Variants in PDE10A observed in about 807,000 individuals in gnomAD.
PDE10A encodes the protein cAMP and cAMP-inhibited cGMP 3',5'-cyclic phosphodiesterase 10A.
A neutral mutation model predicts 97.7 loss-of-function variants in PDE10A; 39 were observed. That is an observed-to-expected ratio of 0.40 (90% CI 0.31 to 0.52). The LOEUF (loss-of-function observed/expected upper bound fraction) is 0.52. Ranked by LOEUF, PDE10A falls within the 20% of genes least tolerant of loss-of-function variation. The pLI, the probability that PDE10A is intolerant of heterozygous loss-of-function variation, is 0.56. For synonymous variants in PDE10A, 371 were observed against 376.8 expected, an observed-to-expected ratio of 0.98 and a Z score of 0.18; for missense variants, 731 against 1,047.8, an observed-to-expected ratio of 0.70 and a Z score of 4.17.
intron 1 of PDE10A, among the ~76,000 whole-genome samples, chr6:165,681,352 T>A (rs1790972363): frequency 6.6e-6 from 1 of 152,210 alleles, no homozygotes; most frequent in African/African-American, 2.4e-5. Context: ...AAAATTACTC[T>A]TTTTAGGCAT....
At chr6:165,855,315 G>T (rs1034944168) in intron 1 of PDE10A, among the ~76,000 whole-genome samples, 1 of 151,074 alleles carries the variant, frequency 6.6e-6, no homozygotes, top group South Asian at 2.1e-4. Context: ...CGGGGGGGGG[G>T]GGGGACTCAG....
intron 1 of PDE10A, among the ~76,000 whole-genome samples, chr6:165,629,188 A>G (rs1788518802): frequency 6.6e-6 from 1 of 152,202 alleles, no homozygotes; most frequent in South Asian, 2.1e-4. Context: ...AAATCCCTAT[A>G]TGAAGTTCAG....
At chr6:165,828,037 T>A (rs1035427628) in intron 1 of PDE10A, among the ~76,000 whole-genome samples, 4 of 152,208 alleles carry the variant, frequency 2.6e-5, no homozygotes, top group African/African-American at 9.7e-5. Context: ...GGGGTAAATG[T>A]CATCTCAATG....
At chr6:165,546,465 T>C (rs148208633) in intron 1 of PDE10A, among the ~76,000 whole-genome samples, 1 of 152,182 alleles carries the variant, frequency 6.6e-6, no homozygotes, top group African/African-American at 2.4e-5. Flanking sequence ...ATGGAAAGCA[T>C]AATGCAACAC....
chr6:165,405,203 T>C (rs901237193), intron 13 of PDE10A, among the ~76,000 whole-genome samples: 1 of 152,206 alleles, frequency 6.6e-6, no homozygotes, highest in African/African-American at 2.4e-5. Flanking sequence ...CACCTCAGCG[T>C]ATAGAAGACA....
intron 1 of PDE10A, chr6:165,987,449 G>GCA (rs370513911): frequency 6.0e-6 from 2 of 332,720 alleles, no homozygotes; most frequent in Non-Finnish European, 1.2e-5. Context: ...TTAAGTACAC[G>GCA]CACACACACA....
chr6:165,722,044 A>T (rs1792179277), intron 1 of PDE10A, among the ~76,000 whole-genome samples: 1 of 152,204 alleles, frequency 6.6e-6, no homozygotes, highest in South Asian at 2.1e-4. Context: ...ACATACAAAC[A>T]AATTTGTATA....
At chr6:165,504,242 G>T (rs1781063818) in intron 2 of PDE10A, among the ~76,000 whole-genome samples, 1 of 152,074 alleles carries the variant, frequency 6.6e-6, no homozygotes, top group African/African-American at 2.4e-5. Flanking sequence ...GAGAAAAAAG[G>T]TCATGTGGTT....
At chr6:165,441,754 G>A (rs1325762090) in intron 5 of PDE10A, among the ~76,000 whole-genome samples, 2 of 152,120 alleles carry the variant, frequency 1.3e-5, no homozygotes, top group East Asian at 1.9e-4. Context: ...TGTCTCCCCG[G>A]GTTTAACATG....
intron 17 of PDE10A, among the ~76,000 whole-genome samples, chr6:165,384,155 A>C (rs1785103155): frequency 6.6e-6 from 1 of 152,182 alleles, no homozygotes; most frequent in African/African-American, 2.4e-5. Flanking sequence ...GATTTGGGAC[A>C]CAAACACTTG....
At chr6:165,984,911 T>G (rs1785138469) in intron 1 of PDE10A, among the ~76,000 whole-genome samples, 1 of 152,190 alleles carries the variant, frequency 6.6e-6, no homozygotes, top group Non-Finnish European at 1.5e-5. Context: ...ACGCAAGCCA[T>G]GCTGAAGGTT....
intron 16 of PDE10A, among the ~76,000 whole-genome samples, chr6:165,391,827 C>A (rs902159037): frequency 1.3e-5 from 2 of 152,140 alleles, no homozygotes; most frequent in Non-Finnish European, 2.9e-5. Flanking sequence ...GTACTAGATT[C>A]TAGTTTAAAT....
intron 1 of PDE10A, among the ~76,000 whole-genome samples, chr6:165,953,483 C>G (rs747543668): frequency 1.7e-4 from 26 of 151,824 alleles, no homozygotes; most frequent in Non-Finnish European, 3.4e-4. Flanking sequence ...CCCAGCTACT[C>G]GGGAAGCTGA....
At chr6:165,369,918 A>G (rs1038207600) in intron 18 of PDE10A, among the ~76,000 whole-genome samples, 1 of 152,180 alleles carries the variant, frequency 6.6e-6, no homozygotes, top group East Asian at 1.9e-4. Flanking sequence ...AGTGGGGGCC[A>G]ATATTCAACA....
intron 1 of PDE10A, among the ~76,000 whole-genome samples, chr6:165,619,389 ATAGTG>A (rs1199650709): frequency 3.3e-4 from 1 of 3,070 alleles, no homozygotes; most frequent in African/African-American, 1.7e-3. Context: ...GTAGTCTAGT[ATAGTG>A]TAGTGTAGTG....
At chr6:165,939,611 C>T (rs1008515144) in intron 1 of PDE10A, 8 of 152,138 alleles carry the variant, frequency 5.3e-5, no homozygotes, top group African/African-American at 1.9e-4. Flanking sequence ...GACTTGGGTT[C>T]TTCTGGCATT....
At chr6:165,947,451 A>G (rs979329968) in intron 1 of PDE10A, among the ~76,000 whole-genome samples, 5 of 151,924 alleles carry the variant, frequency 3.3e-5, no homozygotes, top group African/African-American at 1.2e-4. Context: ...GATTTTTCTA[A>G]TTCTATCATT....
chr6:165,824,082 A>G (rs1028933240), intron 1 of PDE10A, among the ~76,000 whole-genome samples: 4 of 152,232 alleles, frequency 2.6e-5, no homozygotes, highest in Admixed American at 1.3e-4. Context: ...TTACAAAGTT[A>G]TTTAATGTCC....
chr6:165,716,798 T>C (rs944482569), intron 1 of PDE10A, among the ~76,000 whole-genome samples: 1 of 152,238 alleles, frequency 6.6e-6, no homozygotes. Flanking sequence ...ATCTTTTATT[T>C]GCAATGGCTA....
Sources: allele counts gnomAD v4.1 joint callset (sites outside exome capture counted in the v4.1 genomes callset), GRCh38; gene constraint gnomAD v4.1.1; transcripts MANE v1.5; gene names NCBI Gene and HGNC (gene_info 2026-07-23, HGNC 2026-07-21).